TSHR: variants seen among roughly 807,000 people sequenced by gnomAD.
The protein encoded by TSHR is thyroid stimulating hormone receptor.
TSHR carries 51 observed loss-of-function variants against 64.1 expected under a neutral mutation model. The observed-to-expected ratio is 0.80, with a 90% confidence interval of 0.64 to 1.01. TSHR has a LOEUF of 1.01. Among genes scored for constraint, TSHR ranks in the 50% least tolerant of loss-of-function variants. The pLI, the probability that TSHR is intolerant of heterozygous loss-of-function variation, is 0.00. For synonymous variants in TSHR, 361 were observed against 361.9 expected (o/e 1.00, Z 0.03); for missense variants, 877 against 942.8 (o/e 0.93, Z 0.91).
At chr14:81,033,767 T>C (rs1884481184) in intron 1 of TSHR, among the ~76,000 whole-genome samples, 2 of 152,166 alleles carry the variant, frequency 1.3e-5, no homozygotes, top group African/African-American at 2.4e-5. Context: ...AGAAGCAAAG[T>C]GTGAAAAGCA....
chr14:81,092,924 C>T (rs1028697738), intron 6 of TSHR, among the ~76,000 whole-genome samples: 4 of 152,118 alleles, frequency 2.6e-5, no homozygotes, highest in East Asian at 1.9e-4. Flanking sequence ...TGGCAAAAAC[C>T]GCAGTACTCA....
rs12323350 is a variant in TSHR, at chr14:81,038,588, C to T, written c.171-23560C>T. Among the ~76,000 whole-genome samples the T allele has an allele frequency of 3.2e-3, 483 of 150,448 alleles. 3 individuals are homozygous for T. The highest frequency in any genetic ancestry group is 0.011 in the African/African-American group (465 of 41,242). On this transcript the variant is annotated intron_variant, in intron 1 of 9. Transcript: ENST00000298171. ...AGATAAACTAAATTGACAAACCTTT[C>T]GCTAGACAAAGAAAAAAGAGATAAT...
At chr14:80,994,902 C>T (rs148529885) in intron 1 of TSHR, 1 of 152,094 alleles carries the variant, frequency 6.6e-6, no homozygotes, top group Non-Finnish European at 1.5e-5. Flanking sequence ...AACTAATGTG[C>T]TTCAATTTAC....
intron 8 of TSHR, among the ~76,000 whole-genome samples, chr14:81,130,133 T>C (rs1891177239): frequency 6.6e-6 from 1 of 152,254 alleles, no homozygotes; most frequent in South Asian, 2.1e-4. Context: ...AGATGTTATT[T>C]ATTTTTAAAA....
At chr14:81,108,332 C>A in intron 7 of TSHR, 43 bp from the exon 8 acceptor site, 1 of 1,417,486 alleles carries the variant, frequency 7.1e-7, no homozygotes, top group Non-Finnish European at 9.8e-7. Flanking sequence ...TTCTTAAAAT[C>A]ACCTAATTCA....
At chr14:81,099,369 C>T (rs1257860658) in intron 7 of TSHR, 3 of 152,080 alleles carry the variant, frequency 2.0e-5, no homozygotes, top group Non-Finnish European at 2.9e-5. Context: ...TTTCCCTGCC[C>T]TCTGCTGGGA....
intron 1 of TSHR, among the ~76,000 whole-genome samples, chr14:81,002,497 AG>A (rs1415990251): frequency 6.6e-6 from 1 of 152,232 alleles, no homozygotes; most frequent in African/African-American, 2.4e-5. Context: ...AAGTGCTTAC[AG>A]TAATCTCTAG....
At chr14:81,107,669 C>G (rs961435369) in intron 7 of TSHR, among the ~76,000 whole-genome samples, 1 of 152,088 alleles carries the variant, frequency 6.6e-6, no homozygotes, top group African/African-American at 2.4e-5. Flanking sequence ...TGAGATTACT[C>G]TGTAATCTCA....
At chr14:80,987,560 C>G (rs752203084) in intron 1 of TSHR, among the ~76,000 whole-genome samples, 1 of 152,182 alleles carries the variant, frequency 6.6e-6, no homozygotes, top group Admixed American at 6.5e-5. Context: ...ATTGACAGCT[C>G]AATTCACCTG....
In TSHR at chr14:81,144,752, G is replaced by A. The variant is rs1171578247; in HGVS notation, c.*399G>A. The A allele has an allele frequency of 3.8e-6, 1 of 264,754 alleles. No homozygotes were observed. Among genetic ancestry groups the A allele is most frequent in the African/African-American group, 2.2e-5 (1 of 45,732 alleles). The allele number at this position is 264,754 out of a possible 1,614,324, so 16.4% of individuals were successfully genotyped here. A position where few individuals can be genotyped will look rare whatever the true frequency, so the allele number is the denominator to read the frequency against. The stretch of plus-strand genomic sequence containing the variant: ...GCAAATGGAAAATGCTATTAATTTG[G>A]TTGGTGACCACAAGATAAAATCAGT... On this transcript the variant is annotated 3_prime_UTR_variant, in exon 10 of 10. Transcript: ENST00000298171.
At chr14:80,997,564 C>T (rs1889088869) in intron 1 of TSHR, among the ~76,000 whole-genome samples, 1 of 152,180 alleles carries the variant, frequency 6.6e-6, no homozygotes, top group African/African-American at 2.4e-5. Flanking sequence ...CTCCAACTAG[C>T]TCTTTTACCC....
intron 1 of TSHR, among the ~76,000 whole-genome samples, chr14:81,041,049 T>C (rs1884895581): frequency 6.6e-6 from 1 of 152,160 alleles, no homozygotes; most frequent in Non-Finnish European, 1.5e-5. Flanking sequence ...AAAGGAATGC[T>C]TTTACACTGT....
intron 3 of TSHR, among the ~76,000 whole-genome samples, chr14:81,075,355 T>C (rs1887420233): frequency 6.6e-6 from 1 of 152,226 alleles, no homozygotes; most frequent in Admixed American, 6.5e-5. Flanking sequence ...ATTAAACTGT[T>C]AAATTTATGT....
At chr14:80,976,817 T>C (rs538462112) in intron 1 of TSHR, among the ~76,000 whole-genome samples, 2 of 152,384 alleles carry the variant, frequency 1.3e-5, no homozygotes, top group South Asian at 4.1e-4. Flanking sequence ...ACAGACTCTT[T>C]CAGCGAATCA....
At chr14:81,130,299 A>G (rs1006864746) in intron 8 of TSHR, among the ~76,000 whole-genome samples, 3 of 152,078 alleles carry the variant, frequency 2.0e-5, no homozygotes, top group Non-Finnish European at 2.9e-5. Context: ...TTCACTTCCC[A>G]CCATGCCACT....
At chr14:81,045,884 T>C (rs1300496733) in intron 1 of TSHR, among the ~76,000 whole-genome samples, 2 of 152,218 alleles carry the variant, frequency 1.3e-5, no homozygotes, top group Non-Finnish European at 2.9e-5. Flanking sequence ...GGGTAAGAGA[T>C]AGCTGAATCA....
intron 1 of TSHR, among the ~76,000 whole-genome samples, chr14:81,019,082 G>T (rs7154960): frequency 0.13 from 19,113 of 152,124 alleles, 3,504 homozygotes; most frequent in African/African-American, 0.41. Flanking sequence ...TGACCAAATT[G>T]CCTGAACCCC....
intron 3 of TSHR, among the ~76,000 whole-genome samples, chr14:81,075,007 G>A (rs938687481): frequency 4.6e-5 from 7 of 152,200 alleles, no homozygotes; most frequent in African/African-American, 9.6e-5. Context: ...TTAGCCTAAA[G>A]CTGCCTCCTT....
At chr14:81,109,578 T>C (rs1890134862) in intron 8 of TSHR, among the ~76,000 whole-genome samples, 1 of 152,208 alleles carries the variant, frequency 6.6e-6, no homozygotes, top group South Asian at 2.1e-4. Context: ...TATTTATAGA[T>C]AGCCACTGTC....
Sources: allele counts gnomAD v4.1 joint callset (sites outside exome capture counted in the v4.1 genomes callset), GRCh38; gene constraint gnomAD v4.1.1; transcripts MANE v1.5; gene names NCBI Gene and HGNC (gene_info 2026-07-23, HGNC 2026-07-21).